The following ACTA2 variants were observed in gnomAD, a reference collection of about 807,000 sequenced individuals.
The protein encoded by ACTA2 is actin, aortic smooth muscle.
In ACTA2, 12 loss-of-function variants were observed where a neutral mutation model predicts 39.5. That is an observed-to-expected ratio of 0.30 (90% confidence interval 0.19 to 0.49). The LOEUF (loss-of-function observed/expected upper bound fraction) is 0.49. Ranked by LOEUF, ACTA2 falls within the 20% of genes least tolerant of loss-of-function variation. The pLI, the probability that ACTA2 is intolerant of heterozygous loss-of-function variation, is 0.99. For synonymous variants in ACTA2, 158 were observed against 180.6 expected (o/e 0.88, Z 1.00); for missense variants, 236 against 498.8 (o/e 0.47, Z 5.02).
intron 1 of ACTA2, among the ~76,000 whole-genome samples, chr10:88,951,472 A>G (rs1846047784): frequency 6.6e-6 from 1 of 151,350 alleles, no homozygotes; most frequent in African/African-American, 2.4e-5. Context: ...CATCAGCAAG[A>G]ATGCAGAAAA....
chr10:88,975,981 T>C (rs1444129333), intron 1 of ACTA2, among the ~76,000 whole-genome samples: 2 of 152,220 alleles, frequency 1.3e-5, no homozygotes, highest in Admixed American at 6.5e-5. Flanking sequence ...ATCTGATGTC[T>C]CTTTCAAGTT....
At chr10:88,961,007 G>C (rs562656529) in intron 1 of ACTA2, among the ~76,000 whole-genome samples, 91 of 152,236 alleles carry the variant, frequency 6.0e-4, no homozygotes, top group African/African-American at 1.9e-3. Flanking sequence ...TGTGTGTTGA[G>C]AATTGTGGGA....
At chr10:88,988,973 C>T (rs552824389) in intron 1 of ACTA2, among the ~76,000 whole-genome samples, 3 of 152,268 alleles carry the variant, frequency 2.0e-5, no homozygotes, top group South Asian at 2.1e-4. Context: ...ATTAGACGTA[C>T]GTGGGCAGAG....
chr10:88,958,871 T>C (rs1846181081), intron 1 of ACTA2, among the ~76,000 whole-genome samples: 1 of 152,104 alleles, frequency 6.6e-6, no homozygotes, highest in Non-Finnish European at 1.5e-5. Flanking sequence ...GAAGGGAGGA[T>C]ATGAGACTTT....
At chr10:88,960,551 A>G (rs1259351341) in intron 1 of ACTA2, among the ~76,000 whole-genome samples, 1 of 152,198 alleles carries the variant, frequency 6.6e-6, no homozygotes, top group African/African-American at 2.4e-5. Context: ...TTGGACCAAA[A>G]TCATAGCGAC....
upstream of ACTA2, among the ~76,000 whole-genome samples, chr10:88,955,293 G>T (rs1015359463): frequency 3.3e-5 from 5 of 152,218 alleles, 1 homozygote; most frequent in African/African-American, 4.8e-5. Context: ...TTGATGTCTG[G>T]TAAGGAAAAT....
intron 1 of ACTA2, among the ~76,000 whole-genome samples, chr10:88,964,875 G>C (rs534313900): frequency 6.6e-6 from 1 of 152,030 alleles, no homozygotes; most frequent in South Asian, 2.1e-4. Context: ...TCTTTTGCCC[G>C]CCTGTTTTTC....
At chr10:88,953,006 A>G (rs1846077653), upstream of ACTA2, among the ~76,000 whole-genome samples, 1 of 152,256 alleles carries the variant, frequency 6.6e-6, no homozygotes, top group Non-Finnish European at 1.5e-5. Flanking sequence ...GTGGGAGATA[A>G]ACACGCCAAG....
intron 1 of ACTA2, among the ~76,000 whole-genome samples, chr10:88,989,238 T>G (rs1325809524): frequency 6.6e-6 from 1 of 152,192 alleles, no homozygotes; most frequent in African/African-American, 2.4e-5. Context: ...AGATACTGAT[T>G]TTGTCAATTG....
intron 1 of ACTA2, 89 bp from the exon 2 acceptor site, chr10:88,949,042 G>C: frequency 7.5e-7 from 1 of 1,337,394 alleles, no homozygotes; most frequent in Non-Finnish European, 1.1e-6. Flanking sequence ...GCTGGGTTTG[G>C]GGGCCCTCCT....
In ACTA2 at chr10:88,938,157, G is replaced by A; in HGVS notation, c.894C>T (p.Asn298=). ...TAGTGGTGCCCCCTGATAGGACATT[G>A]TTAGCATAGAGGTCCTTCCTGATGT... is the stretch of plus-strand genomic sequence containing the variant. ...DIDIRKDLYA[N]NVLSGGTTMY... is the part of the protein sequence containing the mutation. Residue 298 remains asparagine (N), a synonymous_variant, in exon 8 of 9, where the codon AAC becomes AAT. Coordinates refer to ENST00000224784, the MANE Select transcript of ACTA2 (RefSeq NM_001613.4). The A allele has an allele frequency of 6.2e-7, 1 of 1,614,028 alleles. No individual in the cohort carries two copies. The highest frequency in any genetic ancestry group is 8.5e-7 in the Non-Finnish European group (1 of 1,179,946).
chr10:88,937,204 TC>T (rs539159181), intron 8 of ACTA2, among the ~76,000 whole-genome samples: 3,224 of 152,148 alleles, frequency 0.021, 55 homozygotes, highest in South Asian at 0.083. Flanking sequence ...TGTGCATGTT[TC>T]AGTCTAGCAC....
At chr10:88,941,911 T>A (rs1845862002) in intron 4 of ACTA2, 42 bp from the exon 5 acceptor site, 2 of 1,561,540 alleles carry the variant, frequency 1.3e-6, no homozygotes, top group Non-Finnish European at 1.7e-6. Context: ...AAGGTGCCCA[T>A]CTGACAAAGA....
Position 88,990,627 on chromosome 10 carries a change from G to A in ACTA2, c.-24+312C>T, listed in dbSNP as rs1013137560. The stretch of plus-strand genomic sequence containing the variant: ...TCCTTCCCATCCTCCTGACCACCGG[G>A]GCTTTTCGTGAGCTCGTCTCTGATC... On this transcript the variant is annotated intron_variant, in intron 1 of 4. Coordinates refer to the ACTA2 transcript ENST00000415557. The surrounding 1 kb of genome is among the most constrained non-coding windows in gnomAD (Gnocchi z 4.9). 1 of 690,670 alleles carries A rather than the reference G, an allele frequency of 1.4e-6. No individual in the cohort carries two copies. Among genetic ancestry groups the A allele is most frequent in the Non-Finnish European group, 2.6e-6 (1 of 378,942 alleles). 42.8% of individuals were successfully genotyped at this position (690,670 alleles called of 1,614,324 possible).
intron 6 of ACTA2, chr10:88,940,750 A>C (rs746575594): frequency 4.0e-5 from 9 of 225,652 alleles, no homozygotes; most frequent in Non-Finnish European, 7.2e-5. Context: ...AGTATTCCAC[A>C]TGCGTTCTTC....
intron 1 of ACTA2, chr10:88,973,498 A>G: frequency 1.5e-6 from 1 of 666,408 alleles, no homozygotes; most frequent in Non-Finnish European, 2.2e-6. Context: ...TCAAGTACTC[A>G]TGGATGTGAG....
At chr10:88,945,530 T>C (rs1442328353) in intron 3 of ACTA2, among the ~76,000 whole-genome samples, 1 of 152,238 alleles carries the variant, frequency 6.6e-6, no homozygotes, top group Non-Finnish European at 1.5e-5. Flanking sequence ...CTTCTGTTTT[T>C]TTCTCTGATC....
Position 88,935,145 on chromosome 10 carries a change from T to C in ACTA2, c.*78A>G. 1 of 1,585,034 alleles carries C rather than the reference T, an allele frequency of 6.3e-7. No homozygotes were observed. Among genetic ancestry groups the C allele is most frequent in the African/African-American group, 1.3e-5 (1 of 74,348 alleles). Reference sequence around the variant, plus strand: ...AGTCAGAGCTTTGGCTAGGAATGATTTGGAAAAGAACTGAAGGCATAATTC... The same window carrying C: ...AGTCAGAGCTTTGGCTAGGAATGATCTGGAAAAGAACTGAAGGCATAATTC... On this transcript the variant is annotated 3_prime_UTR_variant, in exon 9 of 9. Transcript: ENST00000224784.
chr10:88,943,738 CCTT>C, intron 4 of ACTA2, 56 bp downstream of exon 4: 3 of 1,423,172 alleles, frequency 2.1e-6, no homozygotes, highest in Non-Finnish European at 2.0e-6. Context: ...TGCATAGCCT[CCTT>C]CTAACAGAAG....
Sources: gnomAD v4.1 joint callset for allele counts (sites outside exome capture counted in the v4.1 genomes callset) on GRCh38, gnomAD v4.1.1 for gene constraint, Gnocchi (gnomAD v3.1) non-coding constraint, MANE v1.5 for transcripts, NCBI Gene and HGNC (gene_info 2026-07-23, HGNC 2026-07-21) for gene names.